Variants in CEPT1 observed in about 807,000 individuals in gnomAD.
CEPT1 encodes the protein choline/ethanolaminephosphotransferase 1.
In CEPT1, 7 loss-of-function variants were observed where a neutral mutation model predicts 42.6. That is an observed-to-expected ratio of 0.16 (90% CI 0.09 to 0.31). The LOEUF (loss-of-function observed/expected upper bound fraction) is 0.31, where lower values mean the gene tolerates loss of function less well. CEPT1 is among the 10% of genes least tolerant of loss of function. The probability of loss-of-function intolerance (pLI) is 1.00; values close to 1 mark genes in which losing one functional copy is unlikely to be tolerated. For missense variants in CEPT1, 306 were observed against 502.1 expected (o/e 0.61, Z 3.73); for synonymous variants, 171 against 171.9 (o/e 0.99, Z 0.04).
In CEPT1 at chr1:111,172,158, C is replaced by G. The variant is rs13375151; in HGVS notation, c.630-2721C>G. ...AACTTTAGGCTGTAGAAATCTAATG[C>G]GACACATAAGAAATTTGTTTTCCCA... On this transcript the variant is annotated intron_variant, in intron 4 of 8. Coordinates refer to ENST00000357172, the MANE Select transcript of CEPT1 (RefSeq NM_006090.5). 5.9e-5 allele frequency among the ~76,000 whole-genome samples: 9 copies of G among 152,258 alleles called. No homozygotes were observed. In the South Asian group the frequency reaches 1.2e-3, roughly 21 times the overall value.
At chr1:111,172,185 A>G (rs1656451563) in intron 4 of CEPT1, among the ~76,000 whole-genome samples, 1 of 152,148 alleles carries the variant, frequency 6.6e-6, no homozygotes, top group East Asian at 1.9e-4. Flanking sequence ...GTTTTCCCAT[A>G]TGTTTTGTTA....
intron 1 of CEPT1, among the ~76,000 whole-genome samples, chr1:111,145,258 C>T (rs994755126): frequency 2.6e-5 from 4 of 152,158 alleles, no homozygotes; most frequent in African/African-American, 4.8e-5. Flanking sequence ...TCAGGTGATC[C>T]GCCCGCCTCA....
chr1:111,147,496 A>G, intron 1 of CEPT1, 146 bp from the exon 2 acceptor site: 2 of 395,940 alleles, frequency 5.1e-6, no homozygotes, highest in Non-Finnish European at 8.9e-6. Flanking sequence ...AACCAAAATC[A>G]GGTCCCTCCT....
At chr1:111,167,794 C>T in intron 4 of CEPT1, 1 of 901,314 alleles carries the variant, frequency 1.1e-6, no homozygotes, top group Non-Finnish European at 1.3e-6. Context: ...TTTCATGTTA[C>T]TATAGTCATT....
At chr1:111,164,613 ATTGTT>A (rs550248609) in intron 4 of CEPT1, among the ~76,000 whole-genome samples, 4 of 150,308 alleles carry the variant, frequency 2.7e-5, no homozygotes, top group African/African-American at 4.9e-5. Flanking sequence ...ATTTTTTTGG[ATTGTT>A]TTGTTTTGTT....
chr1:111,169,794 T>A (rs1656332167), intron 4 of CEPT1, among the ~76,000 whole-genome samples: 1 of 152,230 alleles, frequency 6.6e-6, no homozygotes, highest in African/African-American at 2.4e-5. Flanking sequence ...ATCTATAAGC[T>A]ATTTCCTGTT....
At chr1:111,145,838 C>T (rs539240594) in intron 1 of CEPT1, among the ~76,000 whole-genome samples, 2 of 152,308 alleles carry the variant, frequency 1.3e-5, no homozygotes, top group East Asian at 3.9e-4. Flanking sequence ...CCCCTCCACC[C>T]CAGACAGGGG....
At chr1:111,183,239 A>C (rs893281045) in intron 7 of CEPT1, among the ~76,000 whole-genome samples, 1 of 152,142 alleles carries the variant, frequency 6.6e-6, no homozygotes, top group Non-Finnish European at 1.5e-5. Context: ...TGGACACTCA[A>C]ATTAAGGCTT....
At chr1:111,166,894 ATTTTT>A (rs1392503731) in intron 4 of CEPT1, among the ~76,000 whole-genome samples, 1 of 152,068 alleles carries the variant, frequency 6.6e-6, no homozygotes, top group African/African-American at 2.4e-5. Flanking sequence ...TACAGTTTTA[ATTTTT>A]TTAACTTCTA....
Position 111,181,401 on chromosome 1 carries a change from C to T in CEPT1, c.715-786C>T, listed in dbSNP as rs1037266861. 8 of 152,138 alleles carry T rather than the reference C, an allele frequency of 5.3e-5. No homozygotes were observed. In the East Asian group the frequency reaches 1.5e-3, roughly 29 times the overall value. The allele number at this position is 152,138 out of a possible 1,614,324, so 9.4% of individuals were successfully genotyped here. A position where few individuals can be genotyped will look rare whatever the true frequency, so the allele number is the denominator to read the frequency against. ...TTTAAAATTCAGTACAAGTGTATTT[C>T]ATTTTAAATGATAGATATTGTGTTT... is the stretch of plus-strand genomic sequence containing the variant. On this transcript the variant is annotated intron_variant, in intron 5 of 8. Transcript: ENST00000357172.
rs555341351 is a variant in CEPT1, at chr1:111,147,912, C to A, written c.198C>A (p.Pro66=). ...YQSAGRSLLE[P]LMQGYWEWLV... ...GTGCTGGACGGTCCCTGCTTGAGCCCTTAATGCAAGGGTATTGGGAATGGC... is the reference window on the plus strand; with the variant it reads ...GTGCTGGACGGTCCCTGCTTGAGCCATTAATGCAAGGGTATTGGGAATGGC... The change falls in exon 2 of 9, where the codon CCC becomes CCA. Residue 66 remains proline, a synonymous_variant. Coordinates refer to ENST00000357172, the MANE Select transcript of CEPT1 (RefSeq NM_006090.5). 86 of 1,614,168 alleles carry A rather than the reference C, an allele frequency of 5.3e-5. 1 individual carries two copies. In the South Asian group the frequency reaches 9.2e-4, roughly 17 times the overall value.
At chr1:111,169,712 G>A (rs889714522) in intron 4 of CEPT1, among the ~76,000 whole-genome samples, 13 of 151,918 alleles carry the variant, frequency 8.6e-5, no homozygotes, top group Middle Eastern at 3.4e-3. Flanking sequence ...ATGAAGTTTC[G>A]AAAAAAACTT....
intron 4 of CEPT1, chr1:111,167,217 T>C (rs1656186557): frequency 1.0e-6 from 1 of 985,228 alleles, no homozygotes; most frequent in African/African-American, 1.7e-5. Context: ...TCATGCTATC[T>C]GATGTACAAT....
chr1:111,159,262 C>G, intron 2 of CEPT1, 118 bp from the exon 3 acceptor site: 4 of 924,320 alleles, frequency 4.3e-6, no homozygotes, highest in Non-Finnish European at 5.0e-6. Context: ...TTATGTAGCA[C>G]TTGGATCTTC....
At chr1:111,146,883 AT>A (rs1047745603) in intron 1 of CEPT1, among the ~76,000 whole-genome samples, 1 of 151,494 alleles carries the variant, frequency 6.6e-6, no homozygotes, top group Non-Finnish European at 1.5e-5. Flanking sequence ...ATTGTTGTAT[AT>A]CTCCACCGAG....
Position 111,159,468 on chromosome 1 carries a change from C to T in CEPT1, c.428C>T (p.Thr143Ile), listed in dbSNP as rs1655758197. 2 of 1,613,058 alleles carry T rather than the reference C, an allele frequency of 1.2e-6. No individual in the cohort carries two copies. The highest frequency in any genetic ancestry group is 1.7e-6 in the Non-Finnish European group (2 of 1,179,698). ...DAIDGKQARR[T>I]NSSSPLGELF... ...ATTGATGGGAAACAGGCAAGAAGAA[C>T]CAATAGTAGTTCTCCTCTGGGAGAA... Residue 143 changes from threonine (T) to isoleucine (I), a missense_variant, in exon 3 of 9, where the codon ACC becomes ATC. Thr to Ile is a moderately conservative substitution (Grantham distance 89). This residue lies in a region of CEPT1 where 253 missense variants were observed against 447.3 expected (regional missense o/e 0.57). Transcript: ENST00000357172.
intron 1 of CEPT1, among the ~76,000 whole-genome samples, chr1:111,147,281 T>C (rs186754213): frequency 6.6e-6 from 1 of 152,354 alleles, no homozygotes; most frequent in Admixed American, 6.5e-5. Flanking sequence ...TTTGCTAGCC[T>C]TGGGACCTCA....
At chr1:111,169,600 C>T (rs527406776) in intron 4 of CEPT1, among the ~76,000 whole-genome samples, 27 of 152,134 alleles carry the variant, frequency 1.8e-4, no homozygotes, top group Middle Eastern at 3.4e-3. Flanking sequence ...ACTGTATTTT[C>T]TTTTACCAGT....
At chr1:111,161,409 T>A in intron 4 of CEPT1, 113 bp downstream of exon 4, 1 of 1,008,580 alleles carries the variant, frequency 9.9e-7, no homozygotes, top group Non-Finnish European at 1.4e-6. Context: ...TTTAATAAAT[T>A]AAAAAATTTA....
Sources: allele counts gnomAD v4.1 joint callset (sites outside exome capture counted in the v4.1 genomes callset), GRCh38; gene constraint gnomAD v4.1.1; regional missense constraint gnomAD v4.1.1; transcripts MANE v1.5; gene names NCBI Gene and HGNC (gene_info 2026-07-23, HGNC 2026-07-21).